BLTP3A: variants seen among roughly 807,000 people sequenced by gnomAD.
The protein encoded by BLTP3A is ICBP90 binding protein 1.
chr6:34,833,429 AC>A, the BLTP3A span, among the ~76,000 whole-genome samples: 2 of 150,044 alleles, frequency 1.3e-5, no homozygotes, highest in Non-Finnish European at 3.0e-5. Context: ...TTTTTTTGAC[AC>A]CAGGTCTTGC....
At chr6:34,819,333 T>C in the BLTP3A span, among the ~76,000 whole-genome samples, 6 of 118,274 alleles carry the variant, frequency 5.1e-5, no homozygotes, top group Non-Finnish European at 8.1e-5. Flanking sequence ...GTCCCCAGAG[T>C]GTGATATTCC....
At chr6:34,817,451 A>T in the BLTP3A span, among the ~76,000 whole-genome samples, 1 of 152,174 alleles carries the variant, frequency 6.6e-6, no homozygotes, top group South Asian at 2.1e-4. Flanking sequence ...CCCTATTTAG[A>T]AGCTAATTAT....
At chr6:34,808,010 A>G in the BLTP3A span, among the ~76,000 whole-genome samples, 2 of 152,052 alleles carry the variant, frequency 1.3e-5, no homozygotes, top group East Asian at 1.9e-4. Context: ...ACTGCATTCC[A>G]GCCTGGGCAA....
chr6:34,856,773 A>G, the BLTP3A span: 10 of 1,605,650 alleles, frequency 6.2e-6, no homozygotes, highest in Non-Finnish European at 8.5e-6. Flanking sequence ...TCTTTTTCCC[A>G]CCTTATTTTT....
the BLTP3A span, chr6:34,858,485 A>C: frequency 6.2e-7 from 1 of 1,613,816 alleles, no homozygotes; most frequent in Non-Finnish European, 8.5e-7. Flanking sequence ...GGAACAGAAA[A>C]CTTCAAAGGC....
chr6:34,842,839 C>T, the BLTP3A span, among the ~76,000 whole-genome samples: 2 of 152,076 alleles, frequency 1.3e-5, no homozygotes, highest in Non-Finnish European at 2.9e-5. Context: ...TCAGTTGCTC[C>T]ATCTCAGAGT....
At chr6:34,849,864 G>A in the BLTP3A span, among the ~76,000 whole-genome samples, 8 of 152,216 alleles carry the variant, frequency 5.3e-5, no homozygotes, top group Admixed American at 2.0e-4. Flanking sequence ...CTGGTCCTGC[G>A]CAGTGGCTCA....
At chr6:34,876,799 G>C in the BLTP3A span, 6 of 152,162 alleles carry the variant, frequency 3.9e-5, no homozygotes, top group African/African-American at 9.7e-5. Context: ...GTAGGTATAG[G>C]TAGTAGCTAT....
chr6:34,835,343 A>G, the BLTP3A span: 1 of 1,614,178 alleles, frequency 6.2e-7, no homozygotes, highest in African/African-American at 1.3e-5. Flanking sequence ...CTGTTGGATG[A>G]CCTGCTCTGG....
chr6:34,821,990 G>A, the BLTP3A span: 1 of 1,613,742 alleles, frequency 6.2e-7, no homozygotes, highest in East Asian at 2.2e-5. Flanking sequence ...TTATCAAATG[G>A]GGATGGCCAG....
At chr6:34,814,939 A>G in the BLTP3A span, among the ~76,000 whole-genome samples, 8 of 152,176 alleles carry the variant, frequency 5.3e-5, no homozygotes, top group Admixed American at 5.2e-4. Flanking sequence ...GGGGGAACTT[A>G]TAATATTAAA....
chr6:34,858,043 A>C, the BLTP3A span: 1 of 1,563,180 alleles, frequency 6.4e-7, no homozygotes, highest in Middle Eastern at 1.7e-4. Context: ...AGCCCAAAGG[A>C]TCTTTTACAT....
the BLTP3A span, among the ~76,000 whole-genome samples, chr6:34,839,909 C>T: frequency 1.3e-5 from 2 of 152,228 alleles, no homozygotes; most frequent in African/African-American, 2.4e-5. Flanking sequence ...TGGGCGCCAG[C>T]GCCTGTACAA....
the BLTP3A span, chr6:34,870,737 T>A: frequency 2.2e-6 from 3 of 1,343,556 alleles, no homozygotes; most frequent in South Asian, 4.4e-5. Context: ...CTTCGTTCAG[T>A]CAGATGAGAA....
At chr6:34,820,834 T>TTTCGG in the BLTP3A span, among the ~76,000 whole-genome samples, 2 of 140,378 alleles carry the variant, frequency 1.4e-5, no homozygotes, top group Admixed American at 7.2e-5. Flanking sequence ...TTTTTTTTTT[T>TTTCGG]AGAGATAGGG....
the BLTP3A span, among the ~76,000 whole-genome samples, chr6:34,814,665 A>G: frequency 4.6e-5 from 7 of 152,146 alleles, no homozygotes; most frequent in Non-Finnish European, 7.4e-5. Context: ...TCTTGTTAGC[A>G]TGTTGCTAGA....
the BLTP3A span, among the ~76,000 whole-genome samples, chr6:34,806,745 T>A: frequency 6.6e-6 from 1 of 152,128 alleles, no homozygotes; most frequent in African/African-American, 2.4e-5. Flanking sequence ...CACTGCAACC[T>A]CCTCCTCCTG....
chr6:34,858,362 C>A, the BLTP3A span: 1 of 1,614,144 alleles, frequency 6.2e-7, no homozygotes, highest in African/African-American at 1.3e-5. Flanking sequence ...TTGCATCATG[C>A]CTTTCAGATG....
the BLTP3A span, among the ~76,000 whole-genome samples, chr6:34,848,421 C>G: frequency 2.0e-5 from 3 of 151,990 alleles, no homozygotes; most frequent in African/African-American, 7.3e-5. Context: ...GCCTGGCTAA[C>G]ATGGCAAAAT....
Sources: allele counts gnomAD v4.1 joint callset (sites outside exome capture counted in the v4.1 genomes callset), GRCh38; gene constraint gnomAD v4.1.1; transcripts MANE v1.5; gene names NCBI Gene and HGNC (gene_info 2026-07-23, HGNC 2026-07-21).